The following SPATA17 variants were observed in gnomAD, a reference collection of about 807,000 sequenced individuals.
The protein encoded by SPATA17 is spermatogenesis-associated protein 17.
SPATA17 carries 53 observed loss-of-function variants against 62.2 expected under a neutral mutation model. The observed-to-expected ratio is 0.85, with a 90% CI of 0.68 to 1.07. The LOEUF (loss-of-function observed/expected upper bound fraction) is 1.07, where lower values mean the gene tolerates loss of function less well. Ranked by LOEUF, SPATA17 falls within the 50% of genes least tolerant of loss-of-function variation. The probability of loss-of-function intolerance (pLI) is 0.00; values close to 1 mark genes in which losing one functional copy is unlikely to be tolerated. For missense variants in SPATA17, 466 were observed against 425.5 expected (o/e 1.10, Z -0.84); for synonymous variants, 146 against 146.8 (o/e 0.99, Z 0.04).
intron 9 of SPATA17, among the ~76,000 whole-genome samples, chr1:217,803,807 C>A (rs1376361183): frequency 6.6e-6 from 1 of 152,122 alleles, no homozygotes. Context: ...CACTTGAGAT[C>A]AGGAGTTCGA....
chr1:217,736,608 C>T (rs567233051), intron 5 of SPATA17, among the ~76,000 whole-genome samples: 3 of 152,032 alleles, frequency 2.0e-5, no homozygotes, highest in Non-Finnish European at 2.9e-5. Context: ...TGAAATACAG[C>T]CATTGTGACT....
chr1:217,655,842 C>A (rs73107342), intron 3 of SPATA17, among the ~76,000 whole-genome samples: 1,714 of 152,184 alleles, frequency 0.011, 25 homozygotes, highest in African/African-American at 0.033. Context: ...TTAACCAGGA[C>A]GACCAAGAAA....
intron 5 of SPATA17, among the ~76,000 whole-genome samples, chr1:217,685,023 G>A (rs1433194211): frequency 6.6e-6 from 1 of 152,116 alleles, no homozygotes; most frequent in East Asian, 1.9e-4. Context: ...ATAGGGGACT[G>A]CTGTTTAATT....
chr1:217,660,383 GACACATAA>G lies in SPATA17; in HGVS notation c.241-8648_241-8641del, dbSNP rs568288971. The stretch of plus-strand genomic sequence containing the variant: ...ATATCTCAAAAATATCCCTGTGACT[GACACATAA>G]AAGGCCTACTGAAATTTTTACCAAC... On this transcript the variant is annotated intron_variant, in intron 3 of 10. Transcript: ENST00000366933. 5.9e-5 allele frequency among the ~76,000 whole-genome samples: 9 copies of G among 152,262 alleles called. No individual in the cohort carries two copies. In the East Asian group the frequency reaches 1.5e-3, roughly 26 times the overall value.
At chr1:217,706,513 A>C (rs1161074495) in intron 5 of SPATA17, among the ~76,000 whole-genome samples, 2 of 152,048 alleles carry the variant, frequency 1.3e-5, no homozygotes, top group Admixed American at 6.5e-5. Context: ...TGGTTTTATA[A>C]ATGGTAGTTT....
At chr1:217,632,881 T>C (rs951739497) in intron 1 of SPATA17, among the ~76,000 whole-genome samples, 2 of 152,178 alleles carry the variant, frequency 1.3e-5, no homozygotes, top group African/African-American at 2.4e-5. Flanking sequence ...CATCCTTGTA[T>C]GGAATATAGG....
intron 9 of SPATA17, among the ~76,000 whole-genome samples, chr1:217,860,250 T>C (rs1034394203): frequency 2.6e-5 from 4 of 152,224 alleles, no homozygotes; most frequent in African/African-American, 9.6e-5. Flanking sequence ...AATTCCACTG[T>C]GGTCCAAGAG....
intron 10 of SPATA17, chr1:217,866,480 A>G (rs1028575754): frequency 1.4e-4 from 21 of 152,188 alleles, no homozygotes; most frequent in African/African-American, 5.1e-4. Context: ...TTTTTCAGAG[A>G]GACAGGGTCT....
chr1:217,689,221 C>CTTTTTTTTT (rs200885875), intron 5 of SPATA17, among the ~76,000 whole-genome samples: 7 of 102,600 alleles, frequency 6.8e-5, no homozygotes, highest in Non-Finnish European at 1.1e-4. Context: ...TTTATTATGT[C>CTTTTTTTTT]TTTTTTTTTT....
chr1:217,724,938 A>G (rs1672228823), intron 5 of SPATA17, among the ~76,000 whole-genome samples: 1 of 152,056 alleles, frequency 6.6e-6, no homozygotes, highest in Admixed American at 6.5e-5. Flanking sequence ...TTTGCATTTG[A>G]CTTGCAAACA....
At chr1:217,824,051 CTT>C (rs1266272241) in intron 9 of SPATA17, among the ~76,000 whole-genome samples, 2 of 151,892 alleles carry the variant, frequency 1.3e-5, no homozygotes, top group East Asian at 1.9e-4. Context: ...AGTTGGGTCT[CTT>C]TTTTAAAATC....
At chr1:217,820,346 A>G (rs1373144645) in intron 9 of SPATA17, among the ~76,000 whole-genome samples, 1 of 152,038 alleles carries the variant, frequency 6.6e-6, no homozygotes, top group South Asian at 2.1e-4. Context: ...GAATGAATGG[A>G]GAAGAGACAA....
intron 3 of SPATA17, among the ~76,000 whole-genome samples, chr1:217,658,022 A>T (rs1239829595): frequency 6.6e-6 from 1 of 152,192 alleles, no homozygotes; most frequent in Non-Finnish European, 1.5e-5. Context: ...ATCTATGAGG[A>T]CAGTATGAGG....
chr1:217,699,701 T>C (rs570951740), intron 5 of SPATA17, among the ~76,000 whole-genome samples: 8 of 152,332 alleles, frequency 5.3e-5, no homozygotes, highest in African/African-American at 1.9e-4. Context: ...ACATAACTTT[T>C]TAATTTTAAC....
chr1:217,802,128 A>G (rs1674328290), intron 9 of SPATA17, among the ~76,000 whole-genome samples: 1 of 152,044 alleles, frequency 6.6e-6, no homozygotes, highest in South Asian at 2.1e-4. Flanking sequence ...TCAGGGCTTG[A>G]GTATGAGGTC....
intron 5 of SPATA17, among the ~76,000 whole-genome samples, chr1:217,704,545 C>T (rs1056921792): frequency 1.3e-5 from 2 of 151,848 alleles, no homozygotes; most frequent in Non-Finnish European, 2.9e-5. Context: ...CCACCGCGCC[C>T]GGCCCTTCCC....
chr1:217,664,193 G>A (rs1670635905), intron 3 of SPATA17, among the ~76,000 whole-genome samples: 1 of 151,966 alleles, frequency 6.6e-6, no homozygotes, highest in South Asian at 2.1e-4. Flanking sequence ...TGTGAGATTA[G>A]GGAATTGAAT....
chr1:217,646,330 T>C (rs886219160), intron 1 of SPATA17, among the ~76,000 whole-genome samples: 2 of 152,158 alleles, frequency 1.3e-5, no homozygotes, highest in African/African-American at 4.8e-5. Context: ...CTAGCAGCAA[T>C]ATATATGAAT....
At chr1:217,846,968 A>G (rs1355457254) in intron 9 of SPATA17, among the ~76,000 whole-genome samples, 1 of 151,984 alleles carries the variant, frequency 6.6e-6, no homozygotes, top group Admixed American at 6.6e-5. Context: ...CTTGCTCTTT[A>G]TTTTATTTCT....
Sources: allele counts gnomAD v4.1 joint callset (sites outside exome capture counted in the v4.1 genomes callset), GRCh38; gene constraint gnomAD v4.1.1; transcripts MANE v1.5; gene names NCBI Gene and HGNC (gene_info 2026-07-23, HGNC 2026-07-21).